Variants in ERCC6L2 observed in about 807,000 individuals in gnomAD.
ERCC6L2 encodes the protein DNA excision repair protein ERCC-6-like 2.
ERCC6L2 carries 77 observed loss-of-function variants against 132.0 expected under a neutral mutation model. That is an observed-to-expected ratio of 0.58 (90% CI 0.49 to 0.71). The LOEUF is 0.71. Ranked by LOEUF, ERCC6L2 falls within the 30% of genes least tolerant of loss-of-function variation. The pLI is 0.00. For missense variants in ERCC6L2, 1,542 were observed against 1,837.6 expected (o/e 0.84, Z 2.94); for synonymous variants, 583 against 632.4 (o/e 0.92, Z 1.17).
At position 95,941,524 on chromosome 9, in the gene ERCC6L2, G is replaced by A; in HGVS notation, c.1822G>A (p.Ala608Thr). 1 of 1,612,788 alleles carries A rather than the reference G, an allele frequency of 6.2e-7. No homozygotes were observed. Among genetic ancestry groups the A allele is most frequent in the Non-Finnish European group, 8.5e-7 (1 of 1,179,314 alleles). The change falls in exon 12 of 19, where the codon GCC (alanine) becomes ACC (threonine). Residue 608 changes from alanine (A) to threonine (T), a missense_variant. Ala to Thr is a moderately conservative substitution (Grantham distance 58). Coordinates refer to ENST00000653738, the MANE Select transcript of ERCC6L2 (RefSeq NM_020207.7). Reference sequence around the variant, plus strand: ...ATTATTTGATCCTACTTGGAATCCAGCCAATGATCTTCAAGCCATTGACAG... The same window carrying A: ...ATTATTTGATCCTACTTGGAATCCAACCAATGATCTTCAAGCCATTGACAG... ...VVLFDPTWNP[A>T]NDLQAIDRAY...
chr9:95,966,096 G>A (rs553256377), intron 13 of ERCC6L2, among the ~76,000 whole-genome samples: 3 of 152,260 alleles, frequency 2.0e-5, no homozygotes, highest in Non-Finnish European at 4.4e-5. Context: ...GGTTTTTGCT[G>A]TTAGTAGGCA....
chr9:95,915,918 A>G (rs1406772777), intron 5 of ERCC6L2, 89 bp downstream of exon 5: 1 of 1,296,794 alleles, frequency 7.7e-7, no homozygotes, highest in Non-Finnish European at 1.1e-6. Context: ...CAAACAAACG[A>G]AACAGTCATT....
chr9:95,916,496 A>G, intron 6 of ERCC6L2, 62 bp downstream of exon 6: 1 of 1,348,196 alleles, frequency 7.4e-7, no homozygotes. Context: ...CCTTTTTAAG[A>G]AAAAGTCTGT....
chr9:95,929,054 T>C (rs1051422708), intron 11 of ERCC6L2, 190 bp downstream of exon 11: 5 of 434,142 alleles, frequency 1.2e-5, no homozygotes, highest in Middle Eastern at 6.3e-4. Flanking sequence ...TTTATCAACA[T>C]TGAATTCCTC....
chr9:95,896,422 AT>A (rs796966508), intron 2 of ERCC6L2, among the ~76,000 whole-genome samples: 4,045 of 63,186 alleles, frequency 0.064, 47 homozygotes, highest in Middle Eastern at 0.19. Flanking sequence ...TTTTTTTTTG[AT>A]TTTTTTTTTT....
chr9:95,979,847 T>C (rs1002448624), intron 17 of ERCC6L2, among the ~76,000 whole-genome samples: 3 of 152,194 alleles, frequency 2.0e-5, no homozygotes, highest in Non-Finnish European at 4.4e-5. Flanking sequence ...ATAAAGAGTA[T>C]ATCAGAATCT....
At chr9:95,977,425 C>A (rs1245155053) in intron 16 of ERCC6L2, among the ~76,000 whole-genome samples, 1 of 152,130 alleles carries the variant, frequency 6.6e-6, no homozygotes, top group African/African-American at 2.4e-5. Flanking sequence ...CTAGCTTTCT[C>A]TTTTATGATC....
At chr9:95,988,209 T>G (rs141405073) in intron 17 of ERCC6L2, among the ~76,000 whole-genome samples, 5 of 152,364 alleles carry the variant, frequency 3.3e-5, no homozygotes, top group Non-Finnish European at 7.3e-5. Context: ...ATTATTCTAA[T>G]TTGTTGGTAT....
chr9:95,971,334 T>TAGAG (rs1304237241), intron 15 of ERCC6L2, among the ~76,000 whole-genome samples: 1 of 152,174 alleles, frequency 6.6e-6, no homozygotes, highest in Non-Finnish European at 1.5e-5. Context: ...ATTTTACTAG[T>TAGAG]AGAGCCTCAG....
At chr9:95,914,810 A>G (rs1829503933) in intron 4 of ERCC6L2, among the ~76,000 whole-genome samples, 1 of 152,178 alleles carries the variant, frequency 6.6e-6, no homozygotes, top group Non-Finnish European at 1.5e-5. Flanking sequence ...ACTATTTTTA[A>G]TTGACTATAA....
intron 2 of ERCC6L2, among the ~76,000 whole-genome samples, chr9:95,889,238 C>T (rs1828033382): frequency 1.3e-5 from 2 of 152,024 alleles, no homozygotes; most frequent in Non-Finnish European, 2.9e-5. Flanking sequence ...GAATTAAGAT[C>T]GTATATCACC....
intron 11 of ERCC6L2, chr9:95,929,073 C>G (rs1340992029): frequency 2.7e-6 from 1 of 376,396 alleles, no homozygotes; most frequent in South Asian, 4.8e-5. Flanking sequence ...TCTTAGAAGT[C>G]TGGGTTTATA....
At chr9:96,034,466 A>C (rs1168764937) in intron 19 of ERCC6L2, among the ~76,000 whole-genome samples, 2 of 152,158 alleles carry the variant, frequency 1.3e-5, no homozygotes, top group African/African-American at 2.4e-5. Context: ...CAGCTTCTTA[A>C]ATTTGCAAAG....
Position 95,900,983 on chromosome 9 carries a change from A to G in ERCC6L2, c.594+3012A>G, listed in dbSNP as rs535596931. 2.0e-4 allele frequency among the ~76,000 whole-genome samples: 30 copies of G among 152,008 alleles called. No homozygotes were observed. The East Asian group carries it at 5.8e-3, about 29-fold the overall frequency. On this transcript the variant is annotated intron_variant, in intron 3 of 18. Transcript: ENST00000653738. ...CAGCTACTCAGGAGGCTGAGGTAGT[A>G]GGATCACTTGAGCTCAGGAGGTTGA...
At chr9:96,011,714 A>T (rs780044668) in intron 18 of ERCC6L2, among the ~76,000 whole-genome samples, 10 of 152,262 alleles carry the variant, frequency 6.6e-5, no homozygotes, top group Non-Finnish European at 1.3e-4. Context: ...CTTTGGGCTC[A>T]TCAAAAAGTC....
intron 1 of ERCC6L2, chr9:95,877,074 A>G (rs1827311839): frequency 6.6e-6 from 1 of 152,208 alleles, no homozygotes; most frequent in South Asian, 2.1e-4. Flanking sequence ...TTGGAGTGAA[A>G]GAGGGAGAGA....
At chr9:95,974,021 G>A (rs1242188064) in intron 16 of ERCC6L2, among the ~76,000 whole-genome samples, 1 of 152,088 alleles carries the variant, frequency 6.6e-6, no homozygotes, top group African/African-American at 2.4e-5. Context: ...TCAGACTCAG[G>A]TTCAGTTCCT....
At chr9:95,969,538 C>T (rs914976703) in intron 14 of ERCC6L2, among the ~76,000 whole-genome samples, 2 of 152,064 alleles carry the variant, frequency 1.3e-5, no homozygotes, top group African/African-American at 4.8e-5. Context: ...AGGTGTTTGG[C>T]CTGAACAACT....
chr9:95,960,848 G>C (rs1278066339), intron 13 of ERCC6L2, among the ~76,000 whole-genome samples: 1 of 152,010 alleles, frequency 6.6e-6, no homozygotes, highest in Non-Finnish European at 1.5e-5. Context: ...TGTTGCCCAG[G>C]CTGGTTGAAA....
Sources: gnomAD v4.1 joint callset for allele counts (sites outside exome capture counted in the v4.1 genomes callset) on GRCh38, gnomAD v4.1.1 for gene constraint, MANE v1.5 for transcripts, NCBI Gene and HGNC (gene_info 2026-07-23, HGNC 2026-07-21) for gene names.